The following ANKS6 variants were observed in gnomAD, a reference collection of about 807,000 sequenced individuals.
ANKS6 encodes the protein ankyrin repeat and SAM domain-containing protein 6.
In ANKS6, 47 loss-of-function variants were observed where a neutral mutation model predicts 77.9. The observed-to-expected ratio is 0.60, with a 90% CI of 0.48 to 0.77. The LOEUF (loss-of-function observed/expected upper bound fraction) is 0.77, where lower values mean the gene tolerates loss of function less well. ANKS6 is among the 30% of genes least tolerant of loss of function. The pLI, the probability that ANKS6 is intolerant of heterozygous loss-of-function variation, is 0.00. For synonymous variants in ANKS6, 488 were observed against 501.7 expected, an observed-to-expected ratio of 0.97 and a Z score of 0.37; for missense variants, 1,150 against 1,159.1, an observed-to-expected ratio of 0.99 and a Z score of 0.11.
chr9:98,754,465 C>A (rs930712946), intron 12 of ANKS6, among the ~76,000 whole-genome samples: 2 of 151,962 alleles, frequency 1.3e-5, no homozygotes, highest in African/African-American at 4.8e-5. Flanking sequence ...CACGGTGAAA[C>A]CCCGTCTCTA....
In ANKS6 at chr9:98,771,105, G is replaced by A. The variant is rs1833601642; in HGVS notation, c.1822-59C>T. 1.5e-5 allele frequency: 22 copies of A among 1,427,912 alleles called. No individual in the cohort carries two copies. In the South Asian group the frequency reaches 3.3e-4, roughly 21 times the overall value. 88.5% of individuals were successfully genotyped at this position (1,427,912 alleles called of 1,614,324 possible). A position where few individuals can be genotyped will look rare whatever the true frequency, so the allele number is the denominator to read the frequency against. Reference sequence around the variant, plus strand: ...GGCTGCTCCTCCCTCCAGCCGTGCAGGATCACAGTGTGGGGGTTCCTGTGC... The same window carrying A: ...GGCTGCTCCTCCCTCCAGCCGTGCAAGATCACAGTGTGGGGGTTCCTGTGC... On this transcript the variant is annotated intron_variant, in intron 9 of 14. Transcript: ENST00000353234.
At chr9:98,788,280 G>A (rs1268253867) in intron 2 of ANKS6, among the ~76,000 whole-genome samples, 1 of 152,238 alleles carries the variant, frequency 6.6e-6, no homozygotes, top group Non-Finnish European at 1.5e-5. Flanking sequence ...CACAACAGAA[G>A]AGGCACAGCT....
chr9:98,787,710 A>G (rs984092548), intron 2 of ANKS6, among the ~76,000 whole-genome samples: 57 of 152,224 alleles, frequency 3.7e-4, no homozygotes, highest in Admixed American at 1.8e-3. Context: ...TCCCAAGAAA[A>G]GAGCCTTTAT....
In ANKS6 at chr9:98,734,603, AGC is replaced by A; in HGVS notation, c.*1914_*1915del. 1.0e-6 allele frequency: 1 copy of A among 983,884 alleles called. No homozygotes were observed. The highest frequency in any genetic ancestry group is 1.2e-6 in the Non-Finnish European group (1 of 828,524). 60.9% of individuals were successfully genotyped at this position (983,884 alleles called of 1,614,324 possible). ...TTAGTGGAAAAGGCACAGGCTTGCA[AGC>A]CCACCAGGTCCGGTTCTGACCCCAG... On this transcript the variant is annotated 3_prime_UTR_variant, in exon 15 of 15. Transcript: ENST00000353234.
intron 4 of ANKS6, among the ~76,000 whole-genome samples, chr9:98,782,830 C>T (rs1834349220): frequency 6.6e-6 from 1 of 152,128 alleles, no homozygotes; most frequent in Admixed American, 6.5e-5. Flanking sequence ...CACCCGTAAT[C>T]CCATCACTTT....
At position 98,733,010 on chromosome 9, in the gene ANKS6, G is replaced by A. The variant is rs1831285430; in HGVS notation, c.*3509C>T. ...TGGGGCGTGCCCAGGCTGAGCCTGA[G>A]CCATCATCGATGACTTTCCCTGAGC... On this transcript the variant is annotated 3_prime_UTR_variant, in exon 15 of 15. Coordinates refer to ENST00000353234, the MANE Select transcript of ANKS6 (RefSeq NM_173551.5). 3 of 930,380 alleles carry A rather than the reference G, an allele frequency of 3.2e-6. No homozygotes were observed. The highest frequency in any genetic ancestry group is 3.9e-6 in the Non-Finnish European group (3 of 772,622). The allele number at this position is 930,380 out of a possible 1,614,324, so 57.6% of individuals were successfully genotyped here. A position where few individuals can be genotyped will look rare whatever the true frequency, so the allele number is the denominator to read the frequency against.
intron 11 of ANKS6, among the ~76,000 whole-genome samples, chr9:98,760,422 C>T (rs1467229021): frequency 2.1e-5 from 2 of 94,362 alleles, no homozygotes; most frequent in Non-Finnish European, 4.5e-5. Flanking sequence ...GCCCTCTAAT[C>T]CTGCCCTGGT....
At chr9:98,773,450 T>A (rs1833745209) in intron 9 of ANKS6, among the ~76,000 whole-genome samples, 1 of 152,178 alleles carries the variant, frequency 6.6e-6, no homozygotes, top group African/African-American at 2.4e-5. Context: ...AGGATAGAAG[T>A]CATACTCTTG....
intron 1 of ANKS6, among the ~76,000 whole-genome samples, chr9:98,795,746 G>A (rs1345620899): frequency 2.0e-5 from 3 of 152,094 alleles, no homozygotes; most frequent in Non-Finnish European, 4.4e-5. Context: ...TGCCTGGCCT[G>A]CCCACCAATG....
At chr9:98,782,374 C>T in intron 5 of ANKS6, 93 bp downstream of exon 5, 3 of 1,189,894 alleles carry the variant, frequency 2.5e-6, no homozygotes, top group South Asian at 1.3e-5. Context: ...TAAGCAAGTG[C>T]TTAAAACACA....
intron 13 of ANKS6, among the ~76,000 whole-genome samples, chr9:98,748,762 G>C (rs893100168): frequency 6.6e-6 from 1 of 151,964 alleles, no homozygotes; most frequent in Non-Finnish European, 1.5e-5. Flanking sequence ...TTTTGTTTAA[G>C]GTACCATTAT....
intron 14 of ANKS6, among the ~76,000 whole-genome samples, chr9:98,736,924 C>G (rs571021119): frequency 1.1e-4 from 17 of 152,304 alleles, no homozygotes; most frequent in African/African-American, 3.8e-4. Context: ...CCGAGTCGCA[C>G]GGCCCGGATT....
chr9:98,771,172 T>G, intron 9 of ANKS6, 126 bp from the exon 10 acceptor site: 2 of 1,164,286 alleles, frequency 1.7e-6, no homozygotes, highest in Non-Finnish European at 2.2e-6. Context: ...GTGCCCAGCA[T>G]GGCCCTGCCA....
At chr9:98,736,648 A>G (rs1297660201) in intron 14 of ANKS6, 25 bp from the exon 15 acceptor site, 1 of 1,579,260 alleles carries the variant, frequency 6.3e-7, no homozygotes, top group Non-Finnish European at 8.6e-7. Flanking sequence ...GAAAACAGAC[A>G]CAGAAAGTCT....
At chr9:98,742,777 C>G (rs936903370) in intron 14 of ANKS6, among the ~76,000 whole-genome samples, 1 of 150,546 alleles carries the variant, frequency 6.6e-6, no homozygotes, top group Non-Finnish European at 1.5e-5. Flanking sequence ...TAACAGCTGT[C>G]CCTTCTGCTT....
intron 11 of ANKS6, among the ~76,000 whole-genome samples, chr9:98,765,007 C>T (rs1588367662): frequency 2.0e-5 from 3 of 152,278 alleles, no homozygotes; most frequent in Non-Finnish European, 4.4e-5. Context: ...TTTCTTCCTA[C>T]TAAGCCTTTA....
intron 6 of ANKS6, 44 bp from the exon 7 acceptor site, chr9:98,778,468 A>C: frequency 6.3e-7 from 1 of 1,596,180 alleles, no homozygotes; most frequent in Non-Finnish European, 8.6e-7. Context: ...CAGGAAGGGC[A>C]AGGAGACCAG....
chr9:98,749,550 T>C (rs1469255599), intron 13 of ANKS6, among the ~76,000 whole-genome samples: 2 of 152,100 alleles, frequency 1.3e-5, no homozygotes, highest in Non-Finnish European at 2.9e-5. Flanking sequence ...GAAAGGCCAA[T>C]AAATCAGAAC....
intron 2 of ANKS6, among the ~76,000 whole-genome samples, chr9:98,789,425 A>G (rs1035189930): frequency 2.7e-5 from 2 of 74,474 alleles, no homozygotes; most frequent in African/African-American, 8.7e-5. Flanking sequence ...GATGGCAAGA[A>G]GTTAAAAAAA....
Sources: allele counts gnomAD v4.1 joint callset (sites outside exome capture counted in the v4.1 genomes callset), GRCh38; gene constraint gnomAD v4.1.1; transcripts MANE v1.5; gene names NCBI Gene and HGNC (gene_info 2026-07-23, HGNC 2026-07-21).